GRIK5: variants seen among roughly 807,000 people sequenced by gnomAD.
GRIK5 encodes the protein glutamate receptor ionotropic, kainate 5.
A neutral mutation model predicts 97.4 loss-of-function variants in GRIK5; 43 were observed. That is an observed-to-expected ratio of 0.44 (90% CI 0.35 to 0.57). The LOEUF is 0.57. Ranked by LOEUF, GRIK5 falls within the 20% of genes least tolerant of loss-of-function variation. The pLI is 0.01. For synonymous variants in GRIK5, 580 were observed against 583.5 expected (o/e 0.99, Z 0.09); for missense variants, 1,015 against 1,382.0 (o/e 0.73, Z 4.21).
At chr19:42,051,381 C>T (rs956162537) in intron 11 of GRIK5, among the ~76,000 whole-genome samples, 5 of 152,124 alleles carry the variant, frequency 3.3e-5, no homozygotes, top group Non-Finnish European at 5.9e-5. Context: ...CTCCCACACC[C>T]GGACCACCTC....
chr19:42,036,047 T>TTATA, intron 12 of GRIK5, among the ~76,000 whole-genome samples: 1 of 152,078 alleles, frequency 6.6e-6, no homozygotes, highest in Non-Finnish European at 1.5e-5. Context: ...GAAATGGACT[T>TTATA]TATTTATTTA....
In GRIK5 at chr19:42,021,882, C is replaced by T. The variant is rs1177037863; in HGVS notation, c.1697+65G>A. Reference sequence around the variant, plus strand: ...CAGTTCCGAGAGAGAAGAGGCAGGTCGGTCCCAGAGGCCTCGGCTCGTGCC... The same window carrying T: ...CAGTTCCGAGAGAGAAGAGGCAGGTTGGTCCCAGAGGCCTCGGCTCGTGCC... On this transcript the variant is annotated intron_variant, in intron 14 of 19. Transcript: ENST00000593562. The surrounding 1 kb of genome is among the most constrained non-coding windows in gnomAD (Gnocchi z 4.2). 5 of 1,009,790 alleles carry T rather than the reference C, an allele frequency of 5.0e-6. No individual in the cohort carries two copies. The highest frequency in any genetic ancestry group is 4.8e-5 in the African/African-American group (3 of 62,824). 62.6% of individuals were successfully genotyped at this position (1,009,790 alleles called of 1,614,324 possible).
chr19:42,033,800 A>C (rs910558977), intron 12 of GRIK5, among the ~76,000 whole-genome samples: 2 of 152,202 alleles, frequency 1.3e-5, no homozygotes, highest in Admixed American at 6.5e-5. Context: ...AAGGAGTTCA[A>C]GACCAGCATG....
Position 42,070,111 on chromosome 19 carries a change from C to A in GRIK5, c.-921G>T, listed in dbSNP as rs1307320190. 2.6e-5 allele frequency among the ~76,000 whole-genome samples: 4 copies of A among 152,098 alleles called. No homozygotes were observed. Among genetic ancestry groups the A allele is most frequent in the Admixed American group, 2.0e-4 (3 of 15,278 alleles). On this transcript the variant is annotated 5_prime_UTR_variant, in exon 1 of 20. Coordinates refer to ENST00000593562, the MANE Select transcript of GRIK5 (RefSeq NM_002088.5). Reference sequence around the variant, plus strand: ...CGGCTCCAGTCCCCGGCTGGGCCTGCCTCCCTGCCGCTGGCTGCCGCCACC... The same window carrying A: ...CGGCTCCAGTCCCCGGCTGGGCCTGACTCCCTGCCGCTGGCTGCCGCCACC...
intron 15 of GRIK5, among the ~76,000 whole-genome samples, chr19:42,009,198 C>T (rs782526880): frequency 3.7e-4 from 56 of 152,216 alleles, no homozygotes; most frequent in Non-Finnish European, 7.1e-4. Flanking sequence ...GCACTCTAGT[C>T]TGAATGACTA....
Position 42,022,196 on chromosome 19 carries a change from C to A in GRIK5, c.1587+45G>T, listed in dbSNP as rs1482825491. 6.6e-7 allele frequency: 1 copy of A among 1,510,858 alleles called. No individual in the cohort carries two copies. The highest frequency in any genetic ancestry group is 1.7e-5 in the Admixed American group (1 of 59,478). The allele number at this position is 1,510,858 out of a possible 1,614,324, so 93.6% of individuals were successfully genotyped here. A position where few individuals can be genotyped will look rare whatever the true frequency, so the allele number is the denominator to read the frequency against. ...CTGGCTCCCACTCGCAGGCCCTGAG[C>A]CTCCATGCCAGGCAAGCAGCCCATG... On this transcript the variant is annotated intron_variant, in intron 13 of 19. Transcript: ENST00000593562. This position sits in a 1 kb window ranked among gnomAD's most constrained non-coding sequence, Gnocchi z 4.2.
At chr19:42,012,291 C>T (rs1431491104) in intron 15 of GRIK5, among the ~76,000 whole-genome samples, 1 of 152,034 alleles carries the variant, frequency 6.6e-6, no homozygotes, top group African/African-American at 2.4e-5. Flanking sequence ...CTCTCTGTTG[C>T]CCAGGTTGGA....
intron 11 of GRIK5, among the ~76,000 whole-genome samples, chr19:42,046,610 G>A (rs1381424671): frequency 6.6e-6 from 1 of 152,148 alleles, no homozygotes; most frequent in Non-Finnish European, 1.5e-5. Context: ...TGTCATAAAA[G>A]AATCCCAGGC....
intron 3 of GRIK5, among the ~76,000 whole-genome samples, chr19:42,064,410 C>G (rs906020118): frequency 1.3e-5 from 2 of 152,068 alleles, no homozygotes; most frequent in African/African-American, 4.8e-5. Flanking sequence ...TCAGGATGGG[C>G]TCAACCCCAT....
chr19:42,021,479 G>A lies in GRIK5; in HGVS notation c.1698-5C>T, dbSNP rs774111640. On this transcript the variant is annotated splice_region_variant and splice_polypyrimidine_tract_variant and intron_variant, in intron 14 of 19. Coordinates refer to ENST00000593562, the MANE Select transcript of GRIK5 (RefSeq NM_002088.5). This position sits in a 1 kb window ranked among gnomAD's most constrained non-coding sequence, Gnocchi z 4.2. ...TACCACTCATAGGGGCTCAGCCTGT[G>A]GAGAGACGTGCAGCGTGTGGATGGG... 4 of 1,543,186 alleles carry A rather than the reference G, an allele frequency of 2.6e-6. No homozygotes were observed. Among genetic ancestry groups the A allele is most frequent in the Non-Finnish European group, 3.5e-6 (4 of 1,141,182 alleles).
chr19:42,053,778 C>T, intron 10 of GRIK5, 47 bp downstream of exon 10: 2 of 1,554,510 alleles, frequency 1.3e-6, no homozygotes, highest in East Asian at 2.2e-5. Context: ...GGGCCCGCCC[C>T]CACCCTCACC....
rs111468635 is a variant in GRIK5, at chr19:42,017,956, C to T, written c.1871+3345G>A. Among the ~76,000 whole-genome samples, 36 of 152,070 alleles carry T rather than the reference C, an allele frequency of 2.4e-4. 1 individual carries two copies. Among genetic ancestry groups the T allele is most frequent in the African/African-American group, 7.5e-4 (31 of 41,486 alleles). On this transcript the variant is annotated intron_variant, in intron 15 of 19. Transcript: ENST00000593562. ...GAAACAGGGAGGTCAGAGGACTCATCGCACCAAGTGACCAAGGGAGAGTTG... is the reference window on the plus strand; with the variant it reads ...GAAACAGGGAGGTCAGAGGACTCATTGCACCAAGTGACCAAGGGAGAGTTG...
At chr19:42,001,035 TATA>T (rs1555870782) in intron 19 of GRIK5, among the ~76,000 whole-genome samples, 2 of 152,036 alleles carry the variant, frequency 1.3e-5, no homozygotes, top group African/African-American at 4.8e-5. Context: ...CCAACCAATC[TATA>T]CCCCCAACCT....
chr19:42,045,963 C>A lies in GRIK5; in HGVS notation c.1270-3208G>T, dbSNP rs538644923. On this transcript the variant is annotated intron_variant, in intron 11 of 19. Transcript: ENST00000593562. The stretch of plus-strand genomic sequence containing the variant: ...ATCAGACAGTGGATATGGGAGAAGC[C>A]AGAGAGAGACGAGGGACCCAGGTTG... Among the ~76,000 whole-genome samples, 5 of 152,250 alleles carry A rather than the reference C, an allele frequency of 3.3e-5. No homozygotes were observed. The South Asian group carries it at 1.0e-3, about 32-fold the overall frequency.
intron 9 of GRIK5, 62 bp downstream of exon 9, chr19:42,054,258 T>G: frequency 1.9e-6 from 3 of 1,542,742 alleles, no homozygotes; most frequent in East Asian, 4.5e-5. Flanking sequence ...GTGGTCACAG[T>G]GAGCGCTCCC....
chr19:42,066,245 G>C (rs2076330246), intron 1 of GRIK5, among the ~76,000 whole-genome samples: 1 of 152,132 alleles, frequency 6.6e-6, no homozygotes, highest in South Asian at 2.1e-4. Flanking sequence ...AAACCGGCTG[G>C]AGAGGATGCG....
chr19:42,034,831 C>T (rs1004877170), intron 12 of GRIK5, among the ~76,000 whole-genome samples: 8 of 145,610 alleles, frequency 5.5e-5, no homozygotes, highest in African/African-American at 7.7e-5. Flanking sequence ...CTGTCAGTTT[C>T]CCCCACTAGA....
intron 11 of GRIK5, among the ~76,000 whole-genome samples, chr19:42,047,830 G>T (rs2076061525): frequency 6.6e-6 from 1 of 151,846 alleles, no homozygotes; most frequent in East Asian, 1.9e-4. Context: ...AATCAGCCAG[G>T]CGTGGTGGTG....
At position 41,999,379 on chromosome 19, in the gene GRIK5, C is replaced by T. The variant is rs1233925698; in HGVS notation, c.2515-80G>A. 1.9e-6 allele frequency: 2 copies of T among 1,062,722 alleles called. No individual in the cohort carries two copies. The highest frequency in any genetic ancestry group is 3.1e-5 in the East Asian group (1 of 32,138). 65.8% of individuals were successfully genotyped at this position (1,062,722 alleles called of 1,614,324 possible). On this transcript the variant is annotated intron_variant, in intron 19 of 19. Transcript: ENST00000593562. The surrounding 1 kb of genome is among the most constrained non-coding windows in gnomAD (Gnocchi z 5.0). Reference sequence around the variant, plus strand: ...CAGCCCCTCTCCACATCCCACTCCTCCTCCTCCTTTCCTCGCCCGGGTCTT... The same window carrying T: ...CAGCCCCTCTCCACATCCCACTCCTTCTCCTCCTTTCCTCGCCCGGGTCTT...
Sources: allele counts gnomAD v4.1 joint callset (sites outside exome capture counted in the v4.1 genomes callset), GRCh38; gene constraint gnomAD v4.1.1; non-coding constraint Gnocchi (gnomAD v3.1); transcripts MANE v1.5; gene names NCBI Gene and HGNC (gene_info 2026-07-23, HGNC 2026-07-21).